CUBN: variants seen among roughly 807,000 people sequenced by gnomAD.
CUBN encodes 460 kDa receptor.
In CUBN, 282 loss-of-function variants were observed where a neutral mutation model predicts 405.3. The ratio of observed to expected loss-of-function variants is 0.70; its 90% CI spans 0.63 to 0.77. The LOEUF (loss-of-function observed/expected upper bound fraction) is 0.77, where lower values mean the gene tolerates loss of function less well. Ranked by LOEUF, CUBN falls within the 30% of genes least tolerant of loss-of-function variation. The probability of loss-of-function intolerance (pLI) is 0.00; values close to 1 mark genes in which losing one functional copy is unlikely to be tolerated. For missense variants in CUBN, 4,514 were observed against 4,475.2 expected (o/e 1.01, Z -0.25); for synonymous variants, 1,684 against 1,617.0 (o/e 1.04, Z -0.99).
intron 56 of CUBN, among the ~76,000 whole-genome samples, chr10:16,882,997 G>A (rs928014932): frequency 3.3e-5 from 5 of 150,434 alleles, no homozygotes; most frequent in Admixed American, 2.7e-4. Context: ...CTGGGCAACA[G>A]AGCAAGACTC....
In CUBN at chr10:17,071,523, C is replaced by T; in HGVS notation, c.2528G>A (p.Arg843Lys). 2 of 1,613,934 alleles carry T rather than the reference C, an allele frequency of 1.2e-6. No individual in the cohort carries two copies. The highest frequency in any genetic ancestry group is 1.1e-5 in the South Asian group (1 of 91,068). The change falls in exon 19 of 67, where the codon AGG (arginine) becomes AAG (lysine). Residue 843 changes from arginine (R) to lysine (K), a missense_variant. Arg to Lys is a conservative substitution (Grantham distance 26, BLOSUM62 2). Transcript: ENST00000377833. ...GCTTTGGGGCTGGTGGATGGTCCAC[C>T]TACAGGTTCTTTCTCCAGGATACAC... ...PNVYPGERTC[R>K]WTIHQPQSQV... is the part of the protein sequence containing the mutation.
chr10:16,872,765 C>T (rs976766356), intron 58 of CUBN, among the ~76,000 whole-genome samples: 1 of 152,180 alleles, frequency 6.6e-6, no homozygotes, highest in Non-Finnish European at 1.5e-5. Context: ...TAGTGAGTCA[C>T]AGTAGCAAAT....
intron 6 of CUBN, among the ~76,000 whole-genome samples, chr10:17,118,913 T>C (rs1836967136): frequency 6.6e-6 from 1 of 152,250 alleles, no homozygotes; most frequent in Non-Finnish European, 1.5e-5. Flanking sequence ...TAGTTACTGA[T>C]ATAGCAGAAG....
chr10:16,925,394 G>A lies in CUBN; in HGVS notation c.6493C>T (p.Pro2165Ser), dbSNP rs1192634194. The A allele has an allele frequency of 5.0e-6, 8 of 1,613,854 alleles. No homozygotes were observed. In the African/African-American group the frequency reaches 9.3e-5, roughly 19 times the overall value. ...LRNGPDICSP[P>S]LGPPGGNGHF... ...CCATTTCCTCCAGGGGGTCCCAAGG[G>A]TGGAGAACAGATATCAGGACCATTT... The change falls in exon 43 of 67, where the codon CCC becomes TCC. Residue 2165 changes from proline (P) to serine (S), a missense_variant. By Grantham distance (74) the Pro-to-Ser change is moderately conservative. Around this residue, in one of 5 missense-constraint regions of CUBN, gnomAD observed 1,613 missense variants for 1,542.8 expected, o/e 1.05. Coordinates refer to ENST00000377833, the MANE Select transcript of CUBN (RefSeq NM_001081.4).
chr10:16,902,591 G>A (rs1358536504), intron 51 of CUBN, among the ~76,000 whole-genome samples: 1 of 152,008 alleles, frequency 6.6e-6, no homozygotes, highest in Admixed American at 6.6e-5. Flanking sequence ...CAAGATGGTT[G>A]AGTGAGTAGA....
At chr10:17,113,975 G>T (rs1836825394) in intron 8 of CUBN, 52 bp downstream of exon 8, 2 of 1,582,124 alleles carry the variant, frequency 1.3e-6, no homozygotes, top group Middle Eastern at 1.7e-4. Flanking sequence ...ATTGGTTCTG[G>T]CACCTCGCCA....
chr10:17,052,971 C>T (rs191159317), intron 22 of CUBN, among the ~76,000 whole-genome samples: 16 of 151,526 alleles, frequency 1.1e-4, no homozygotes, highest in Middle Eastern at 3.4e-3. Flanking sequence ...TATGAAGTGT[C>T]AGGTATGAAT....
chr10:16,993,245 G>C (rs897164965), intron 28 of CUBN, among the ~76,000 whole-genome samples: 4 of 152,204 alleles, frequency 2.6e-5, no homozygotes, highest in African/African-American at 9.6e-5. Context: ...TGATATAAAA[G>C]ATAAGAAGGA....
Position 17,008,928 on chromosome 10 carries a change from C to T in CUBN, c.4168+10905G>A, listed in dbSNP as rs866040159. Among the ~76,000 whole-genome samples the T allele has an allele frequency of 1.3e-4, 20 of 152,198 alleles. No homozygotes were observed. The South Asian group carries it at 2.9e-3, about 22-fold the overall frequency. ...TTAGTGTCTGTGGAATGAACAAATG[C>T]GTGAATGATACATCATGATTTACGT... On this transcript the variant is annotated intron_variant, in intron 28 of 66. Transcript: ENST00000377833.
In CUBN at chr10:16,918,792, G is replaced by T. The variant is rs372484156; in HGVS notation, c.6830C>A (p.Ser2277Tyr). 11 of 1,613,482 alleles carry T rather than the reference G, an allele frequency of 6.8e-6. No individual in the cohort carries two copies. The highest frequency in any genetic ancestry group is 8.5e-6 in the Non-Finnish European group (10 of 1,179,722). ...TCCATCCCGCAACTCAAGGTAGTTGGAAGTACAGCTGAAGTGGGAACAAAA... is the reference window on the plus strand; with the variant it reads ...TCCATCCCGCAACTCAAGGTAGTTGTAAGTACAGCTGAAGTGGGAACAAAA... ...FDIEVTPNCT[S>Y]NYLELRDGVD... The change falls in exon 45 of 67, where the codon TCC (serine) becomes TAC (tyrosine). Residue 2277 changes from serine to tyrosine, a missense_variant. By Grantham distance (144) the Ser-to-Tyr change is moderately radical. Transcript: ENST00000377833.
Position 16,948,717 on chromosome 10 carries a change from AATTG to A in CUBN, c.5081-115_5081-112del, listed in dbSNP as rs745609979. 16,008 of 1,382,356 alleles carry A rather than the reference AATTG, an allele frequency of 0.012. 125 individuals are homozygous for A. The highest frequency in any genetic ancestry group is 0.014 in the Non-Finnish European group (14,148 of 997,116). The allele number at this position is 1,382,356 out of a possible 1,614,324, so 85.6% of individuals were successfully genotyped here. On this transcript the variant is annotated intron_variant, in intron 34 of 66. Transcript: ENST00000377833. ...ACAAGAGACCAAAACAAAGTGAAGA[AATTG>A]CCACTAGGAGAACCACTTCATTCAG...
rs1259721203 is a variant in CUBN, at chr10:17,068,721, C to T, written c.2675G>A (p.Gly892Asp). 2 of 1,612,268 alleles carry T rather than the reference C, an allele frequency of 1.2e-6. No individual in the cohort carries two copies. The highest frequency in any genetic ancestry group is 1.7e-6 in the Non-Finnish European group (2 of 1,178,578). ...LGSPENKKYC[G>D]TDIPSFITSV... is the part of the protein sequence containing the mutation. ...TGTTATAAATGAAGGTATGTCTGTA[C>T]CGCAATACTTTTTATTTTCAGGAGA... Residue 892 changes from glycine (G) to aspartate (D), a missense_variant, in exon 20 of 67, where the codon GGT (glycine) becomes GAT (aspartate). Physicochemically the swap from Gly to Asp is moderately conservative, Grantham distance 94. Around this residue, in one of 5 missense-constraint regions of CUBN, gnomAD observed 1,448 missense variants for 1,388.0 expected, o/e 1.04. Transcript: ENST00000377833.
At chr10:16,996,083 A>G (rs1419150663) in intron 28 of CUBN, among the ~76,000 whole-genome samples, 2 of 152,172 alleles carry the variant, frequency 1.3e-5, no homozygotes, top group African/African-American at 4.8e-5. Context: ...TTCAGCTCAA[A>G]GGCACGGAAC....
intron 29 of CUBN, among the ~76,000 whole-genome samples, chr10:16,985,924 G>A (rs1833404539): frequency 1.3e-5 from 2 of 152,196 alleles, no homozygotes; most frequent in South Asian, 2.1e-4. Flanking sequence ...GGCTCACGGA[G>A]GGCATCTTGC....
chr10:16,972,443 A>AT (rs55982899), intron 31 of CUBN, among the ~76,000 whole-genome samples: 90,455 of 146,336 alleles, frequency 0.62, 27,737 homozygotes, highest in East Asian at 0.67. Flanking sequence ...ATCATTCACA[A>AT]TTTTTTTTTT....
chr10:16,924,923 G>A (rs1224885312), intron 43 of CUBN, among the ~76,000 whole-genome samples: 2 of 149,292 alleles, frequency 1.3e-5, no homozygotes, highest in East Asian at 3.9e-4. Context: ...ATCTTATAAT[G>A]GAAAGGTCTA....
chr10:16,957,109 T>C (rs909261432), intron 31 of CUBN, among the ~76,000 whole-genome samples: 4 of 152,236 alleles, frequency 2.6e-5, no homozygotes, highest in Non-Finnish European at 5.9e-5. Context: ...GGTGCCCTAC[T>C]GTGTTATAGA....
chr10:17,029,845 T>C (rs1353648173), intron 27 of CUBN, among the ~76,000 whole-genome samples: 1 of 152,220 alleles, frequency 6.6e-6, no homozygotes, highest in Non-Finnish European at 1.5e-5. Context: ...CCAGTGGCTT[T>C]TGTAGGAAAA....
chr10:16,926,647 G>A (rs1396723732), intron 41 of CUBN, among the ~76,000 whole-genome samples: 6 of 152,156 alleles, frequency 3.9e-5, no homozygotes, highest in African/African-American at 1.2e-4. Flanking sequence ...GGTTAAGTGT[G>A]AGACAAACAG....
Sources: allele counts gnomAD v4.1 joint callset (sites outside exome capture counted in the v4.1 genomes callset), GRCh38; gene constraint gnomAD v4.1.1; regional missense constraint gnomAD v4.1.1; transcripts MANE v1.5; gene names NCBI Gene and HGNC (gene_info 2026-07-23, HGNC 2026-07-21).